PARVB: variants seen among roughly 807,000 people sequenced by gnomAD.
PARVB encodes the protein beta-parvin.
A neutral mutation model predicts 47.0 loss-of-function variants in PARVB; 46 were observed. The ratio of observed to expected loss-of-function variants is 0.98; its 90% CI spans 0.77 to 1.25. The LOEUF (loss-of-function observed/expected upper bound fraction) is 1.25. Among genes scored for constraint, PARVB ranks in the 50% most tolerant of loss-of-function variants. The pLI, the probability that PARVB is intolerant of heterozygous loss-of-function variation, is 0.00. For synonymous variants in PARVB, 196 were observed against 196.3 expected (o/e 1.00, Z 0.01); for missense variants, 473 against 471.6 (o/e 1.00, Z -0.03).
intron 6 of PARVB, 135 bp from the exon 7 acceptor site, chr22:44,136,325 T>C: frequency 1.2e-6 from 1 of 801,212 alleles, no homozygotes; most frequent in Non-Finnish European, 2.1e-6. Flanking sequence ...GGCATGCGTG[T>C]TCAACACCAC....
intron 3 of PARVB, chr22:44,116,314 C>G (rs536950426): frequency 1.3e-5 from 2 of 152,412 alleles, no homozygotes; most frequent in Admixed American, 1.3e-4. Flanking sequence ...GCACACCCAT[C>G]TGCACACCTT....
At chr22:44,027,326 G>T (rs111596180) in intron 1 of PARVB, among the ~76,000 whole-genome samples, 1,892 of 152,280 alleles carry the variant, frequency 0.012, 37 homozygotes, top group African/African-American at 0.04. Context: ...GATGGAGGTC[G>T]GGGACAGCCC....
chr22:44,067,413 T>C (rs1216917493), intron 1 of PARVB, among the ~76,000 whole-genome samples: 6 of 152,250 alleles, frequency 3.9e-5, no homozygotes. Context: ...TCCTCTGTTA[T>C]TTCTGCCTCC....
At chr22:44,055,678 C>CTCTCTCTCTCTCTCTCTCTCTATATATA (rs1438284048) in intron 1 of PARVB, among the ~76,000 whole-genome samples, 35 of 142,666 alleles carry the variant, frequency 2.5e-4, no homozygotes, top group African/African-American at 9.0e-4. Flanking sequence ...CTCTCTCTCT[C>CTCTCTCTCTCTCTCTCTCTCTATATATA]TATATATATA....
At chr22:44,122,488 A>AAGAGAG (rs766162295) in intron 4 of PARVB, among the ~76,000 whole-genome samples, 3,926 of 76,512 alleles carry the variant, frequency 0.051, 403 homozygotes, top group Non-Finnish European at 0.063. Flanking sequence ...CCTGTCGATC[A>AAGAGAG]AGAGAGAGAG....
At chr22:44,129,271 G>C (rs1182059275) in intron 4 of PARVB, among the ~76,000 whole-genome samples, 1 of 152,158 alleles carries the variant, frequency 6.6e-6, no homozygotes, top group Non-Finnish European at 1.5e-5. Context: ...GCCTCAGAAG[G>C]GTCTACCCTG....
intron 8 of PARVB, chr22:44,141,146 G>A (rs998103482): frequency 3.3e-5 from 5 of 153,360 alleles, no homozygotes; most frequent in African/African-American, 1.2e-4. Flanking sequence ...ATACAATGAG[G>A]GCTGGGCCAG....
chr22:44,127,527 G>A (rs577130247), intron 4 of PARVB, among the ~76,000 whole-genome samples: 2 of 152,302 alleles, frequency 1.3e-5, no homozygotes, highest in South Asian at 4.2e-4. Context: ...GAATACCAAG[G>A]TCAAAGCCAA....
At chr22:44,157,528 T>C (rs1053563818) in intron 10 of PARVB, among the ~76,000 whole-genome samples, 1 of 152,164 alleles carries the variant, frequency 6.6e-6, no homozygotes, top group Non-Finnish European at 1.5e-5. Flanking sequence ...ATTCAGGCCT[T>C]CACTTGATTC....
intron 1 of PARVB, among the ~76,000 whole-genome samples, chr22:44,027,963 A>G (rs2050759751): frequency 6.7e-6 from 1 of 149,004 alleles, no homozygotes; most frequent in Admixed American, 6.7e-5. Flanking sequence ...ATATATATTC[A>G]CATATATATA....
chr22:44,129,186 A>G (rs2053256354), intron 4 of PARVB, among the ~76,000 whole-genome samples: 1 of 152,208 alleles, frequency 6.6e-6, no homozygotes, highest in Admixed American at 6.5e-5. Flanking sequence ...GGAGATTAGG[A>G]CACAGACATG....
intron 1 of PARVB, among the ~76,000 whole-genome samples, chr22:44,069,458 C>T (rs1215966917): frequency 6.6e-6 from 1 of 152,166 alleles, no homozygotes; most frequent in African/African-American, 2.4e-5. Context: ...GGAACATTCT[C>T]AGGCACATGC....
chr22:44,141,326 ACAATAGTCCTTCTG>A (rs1260214310), intron 8 of PARVB: 4 of 152,394 alleles, frequency 2.6e-5, no homozygotes, highest in African/African-American at 9.6e-5. Context: ...ACAAGGTCCC[ACAATAGTCCTTCTG>A]CAAGCTGAGG....
At chr22:44,062,395 TG>T (rs2051436397) in intron 1 of PARVB, among the ~76,000 whole-genome samples, 1 of 152,088 alleles carries the variant, frequency 6.6e-6, no homozygotes, top group African/African-American at 2.4e-5. Flanking sequence ...CCCAGCACTT[TG>T]GGAGGCCAAG....
chr22:44,079,749 G>A (rs2051857404), intron 1 of PARVB, among the ~76,000 whole-genome samples: 1 of 152,156 alleles, frequency 6.6e-6, no homozygotes, highest in South Asian at 2.1e-4. Context: ...CCAACATGGT[G>A]AAACCCCGTC....
At chr22:44,148,032 G>A (rs2053725054) in intron 9 of PARVB, 110 bp downstream of exon 9, 1 of 849,234 alleles carries the variant, frequency 1.2e-6, no homozygotes, top group Non-Finnish European at 2.0e-6. Context: ...TCTCAGAAAT[G>A]TTTGCCACAT....
At chr22:44,138,192 GCGACCCATC>G (rs915677462) in intron 7 of PARVB, among the ~76,000 whole-genome samples, 1 of 152,198 alleles carries the variant, frequency 6.6e-6, no homozygotes, top group African/African-American at 2.4e-5. Flanking sequence ...TTCCTCCAGG[GCGACCCATC>G]CTGCTGATGA....
intron 1 of PARVB, chr22:44,039,869 C>G (rs2050987106): frequency 2.2e-6 from 1 of 455,576 alleles, no homozygotes; most frequent in African/African-American, 2.0e-5. Context: ...GGCTGAAGTG[C>G]AGTGGTGCAG....
At chr22:44,141,679 G>C (rs181683345) in intron 8 of PARVB, 1 of 152,290 alleles carries the variant, frequency 6.6e-6, no homozygotes, top group African/African-American at 2.4e-5. Flanking sequence ...TGTGGAGAGG[G>C]GAAGTGGCTC....
Sources: allele counts gnomAD v4.1 joint callset (sites outside exome capture counted in the v4.1 genomes callset), GRCh38; gene constraint gnomAD v4.1.1; transcripts MANE v1.5; gene names NCBI Gene and HGNC (gene_info 2026-07-23, HGNC 2026-07-21).